Variants in EFHB observed in about 807,000 individuals in gnomAD.
EFHB encodes EF-hand domain family member B.
EFHB carries 91 observed loss-of-function variants against 87.2 expected under a neutral mutation model. That is an observed-to-expected ratio of 1.04 (90% CI 0.88 to 1.24). EFHB has a LOEUF of 1.24. Among genes scored for constraint, EFHB ranks in the 50% most tolerant of loss-of-function variants. EFHB has a pLI of 0.00. For synonymous variants in EFHB, 325 were observed against 333.6 expected (o/e 0.97, Z 0.28); for missense variants, 1,084 against 998.8 (o/e 1.09, Z -1.15).
intron 8 of EFHB, 55 bp from the exon 9 acceptor site, chr3:19,896,896 T>G (rs1694507140): frequency 6.9e-7 from 1 of 1,451,628 alleles, no homozygotes; most frequent in Non-Finnish European, 9.2e-7. Flanking sequence ...CTATATTATT[T>G]CTATCTTTTA....
At chr3:19,934,396 C>G (rs980477709), upstream of EFHB, among the ~76,000 whole-genome samples, 1 of 143,774 alleles carries the variant, frequency 7.0e-6, no homozygotes, top group Admixed American at 7.0e-5. Flanking sequence ...TCTCTGCCCC[C>G]CCTTCTCTCT....
rs566752037 is a variant in EFHB, at chr3:19,925,428, G to C, written c.790-4861C>G. On this transcript the variant is annotated intron_variant, in intron 1 of 12. Coordinates refer to ENST00000295824, the MANE Select transcript of EFHB (RefSeq NM_144715.4). Reference sequence around the variant, plus strand: ...CCTCTAATCACAATCCAACACAACAGGATTCATTCTATTCTCCTTTCCATA... The same window carrying C: ...CCTCTAATCACAATCCAACACAACACGATTCATTCTATTCTCCTTTCCATA... Among the ~76,000 whole-genome samples the C allele has an allele frequency of 2.6e-5, 4 of 152,004 alleles. No individual in the cohort carries two copies. The South Asian group carries it at 8.3e-4, about 32-fold the overall frequency.
intron 9 of EFHB, among the ~76,000 whole-genome samples, chr3:19,889,522 CT>C (rs1472046052): frequency 6.6e-6 from 1 of 152,168 alleles, no homozygotes; most frequent in African/African-American, 2.4e-5. Flanking sequence ...TATTTAAGCT[CT>C]TACTGCCCAG....
At chr3:19,893,004 C>CGCA (rs1559449301) in intron 9 of EFHB, among the ~76,000 whole-genome samples, 6 of 150,570 alleles carry the variant, frequency 4.0e-5, no homozygotes, top group Non-Finnish European at 8.9e-5. Context: ...CAGGCTAGAG[C>CGCA]GCAGTGGTGT....
chr3:19,884,536 A>G lies in EFHB; in HGVS notation c.2013T>C (p.Asp671=), dbSNP rs2071766416. ...PEQTLLIKPE[D]IVLKEAGSTE... ...TGCTTCCTGCTTCTTTTAAGACAATATCTTCTGGCTTTATGAGGAGAGTTT... is the reference window on the plus strand; with the variant it reads ...TGCTTCCTGCTTCTTTTAAGACAATGTCTTCTGGCTTTATGAGGAGAGTTT... Residue 671 remains aspartate (D), a synonymous_variant, in exon 11 of 13, where the codon GAT becomes GAC. Transcript: ENST00000295824. The G allele has an allele frequency of 1.9e-6, 3 of 1,613,994 alleles. No individual in the cohort carries two copies. Among genetic ancestry groups the G allele is most frequent in the Non-Finnish European group, 2.5e-6 (3 of 1,179,884 alleles).
intron 5 of EFHB, among the ~76,000 whole-genome samples, chr3:19,912,658 A>G (rs1695102183): frequency 6.6e-6 from 1 of 152,196 alleles, no homozygotes; most frequent in Non-Finnish European, 1.5e-5. Flanking sequence ...AACTACAACA[A>G]CTTTTCAAGA....
chr3:19,898,770 A>G lies in EFHB; in HGVS notation c.1570+8T>C, dbSNP rs200215637. Reference sequence around the variant, plus strand: ...GGGGTTTTTTACGGAGAAAGTGTGTATATTTACCATATTCCTCAGGACGGA... The same window carrying G: ...GGGGTTTTTTACGGAGAAAGTGTGTGTATTTACCATATTCCTCAGGACGGA... On this transcript the variant is annotated splice_region_variant and intron_variant, in intron 8 of 12. Transcript: ENST00000295824. 6.2e-7 allele frequency: 1 copy of G among 1,613,126 alleles called. No homozygotes were observed. Among genetic ancestry groups the G allele is most frequent in the Admixed American group, 1.7e-5 (1 of 59,886 alleles).
At chr3:19,929,517 A>C (rs992417504) in intron 1 of EFHB, among the ~76,000 whole-genome samples, 14 of 151,938 alleles carry the variant, frequency 9.2e-5, no homozygotes, top group Admixed American at 2.0e-4. Flanking sequence ...CAGCCTGGCC[A>C]ATATGATGAA....
At chr3:19,895,297 C>T (rs978434266) in intron 9 of EFHB, among the ~76,000 whole-genome samples, 5 of 151,340 alleles carry the variant, frequency 3.3e-5, no homozygotes, top group Non-Finnish European at 7.4e-5. Flanking sequence ...CTGGCTAACA[C>T]GGTGAAACCC....
chr3:19,903,323 TA>T (rs1291925966), intron 6 of EFHB, among the ~76,000 whole-genome samples: 4 of 152,214 alleles, frequency 2.6e-5, no homozygotes, highest in Admixed American at 1.3e-4. Context: ...ATGGCAACAC[TA>T]AATCATTGAT....
At chr3:19,882,184 T>C (rs2071695679) in intron 12 of EFHB, among the ~76,000 whole-genome samples, 2 of 152,180 alleles carry the variant, frequency 1.3e-5, no homozygotes, top group African/African-American at 4.8e-5. Context: ...GGTAGCAAAG[T>C]GACCATCCTC....
chr3:19,905,801 TC>T, intron 5 of EFHB, 52 bp from the exon 6 acceptor site: 1 of 1,547,292 alleles, frequency 6.5e-7, no homozygotes, highest in South Asian at 1.2e-5. Context: ...AATAACCTTA[TC>T]ATGCAAGATG....
chr3:19,895,363 T>A (rs1167071856), intron 9 of EFHB, among the ~76,000 whole-genome samples: 2 of 151,040 alleles, frequency 1.3e-5, no homozygotes, highest in African/African-American at 4.9e-5. Context: ...GCACCTGTAG[T>A]CCCACTACTC....
intron 5 of EFHB, among the ~76,000 whole-genome samples, chr3:19,908,306 A>T (rs1404554389): frequency 6.6e-6 from 1 of 152,038 alleles, no homozygotes. Context: ...GCCAAGGCAG[A>T]TGGATCGCCT....
intron 5 of EFHB, among the ~76,000 whole-genome samples, chr3:19,914,193 C>A (rs114182828): frequency 2.2e-4 from 33 of 152,094 alleles, no homozygotes; most frequent in Admixed American, 2.2e-3. Context: ...AGTGATCCGG[C>A]GCTGAGATTA....
At chr3:19,939,934 T>G (rs1322790059) in intron 1 of EFHB, among the ~76,000 whole-genome samples, 3 of 152,176 alleles carry the variant, frequency 2.0e-5, no homozygotes, top group Non-Finnish European at 2.9e-5. Flanking sequence ...TGTTATAGAT[T>G]TGATTGTATC....
chr3:19,941,026 G>A (rs191790407), intron 1 of EFHB: 43 of 328,032 alleles, frequency 1.3e-4, no homozygotes, highest in Admixed American at 1.2e-3. Context: ...AGCATTTTCA[G>A]ATTTGTTGCC....
chr3:19,895,151 A>G (rs1055691369), intron 9 of EFHB, among the ~76,000 whole-genome samples: 45 of 150,662 alleles, frequency 3.0e-4, no homozygotes, highest in Admixed American at 1.9e-3. Context: ...GCATTAAATA[A>G]TTCTCAGTAA....
chr3:19,905,070 A>G (rs1694795182), intron 6 of EFHB, among the ~76,000 whole-genome samples: 1 of 152,204 alleles, frequency 6.6e-6, no homozygotes, highest in Non-Finnish European at 1.5e-5. Flanking sequence ...CAGGTGCCCA[A>G]ATAACTATTC....
Sources: allele counts gnomAD v4.1 joint callset (sites outside exome capture counted in the v4.1 genomes callset), GRCh38; gene constraint gnomAD v4.1.1; transcripts MANE v1.5; gene names NCBI Gene and HGNC (gene_info 2026-07-23, HGNC 2026-07-21).